Variants in LRCH2 observed in about 807,000 individuals in gnomAD.
LRCH2 encodes the protein leucine rich repeats and calponin homology domain containing 2, also known as leucine-rich repeat and calponin homology domain-containing protein 2.
In LRCH2, 38 loss-of-function variants were observed where a neutral mutation model predicts 68.9. That is an observed-to-expected ratio of 0.55 (90% CI 0.43 to 0.72). The LOEUF (loss-of-function observed/expected upper bound fraction) is 0.72. LRCH2 is among the 30% of genes least tolerant of loss of function. The pLI is 0.00. For missense variants in LRCH2, 528 were observed against 572.9 expected, an observed-to-expected ratio of 0.92 and a Z score of 0.80; for synonymous variants, 191 against 208.1, an observed-to-expected ratio of 0.92 and a Z score of 0.71.
chrX:115,174,013 T>C (rs1276124693), intron 5 of LRCH2, among the ~76,000 whole-genome samples: 1 of 112,407 alleles, frequency 8.9e-6, no homozygotes, highest in African/African-American at 3.2e-5. Context: ...TTGTTATTGA[T>C]AAGGCTTCCA....
Position 115,123,508 on chromosome X carries a change from T to A in LRCH2, c.1850-316A>T, listed in dbSNP as rs782807054. 2.0e-4 allele frequency among the ~76,000 whole-genome samples: 23 copies of A among 112,218 alleles called. 1 individual carries two copies. In the South Asian group the frequency reaches 8.1e-3, roughly 39 times the overall value. ...TTTTATCTTTTAAAAAAGGAAATTA[T>A]TCTTGAAGGTCAATACAGTTATTCA... is the stretch of plus-strand genomic sequence containing the variant. On this transcript the variant is annotated intron_variant, in intron 17 of 20. Coordinates refer to ENST00000317135, the MANE Select transcript of LRCH2 (RefSeq NM_020871.4).
At chrX:115,189,490 C>T in intron 1 of LRCH2, 1 of 1,181,841 alleles carries the variant, frequency 8.5e-7, no homozygotes, top group East Asian at 3.1e-5. Context: ...GGGCCTCAAC[C>T]TCAAAACCGA....
Position 115,191,214 on chromosome X carries a change from C to T in LRCH2, c.350-2844G>A, listed in dbSNP as rs782337296. On this transcript the variant is annotated intron_variant, in intron 1 of 20. Coordinates refer to ENST00000317135, the MANE Select transcript of LRCH2 (RefSeq NM_020871.4). ...ACCGCTACGGAGGAGGAGGCTGCTA[C>T]GAGGAGTACCGAGGCCGCTCCCTCG... The T allele has an allele frequency of 5.8e-5, 66 of 1,146,409 alleles. No homozygotes were observed. In the South Asian group the frequency reaches 6.4e-4, roughly 11 times the overall value. The allele number at this position is 1,146,409 out of a possible 1,213,427, so 94.5% of individuals were successfully genotyped here.
At chrX:115,122,631 C>T (rs782227211) in intron 19 of LRCH2, 27 bp from the exon 20 acceptor site, 42 of 1,188,179 alleles carry the variant, frequency 3.5e-5, no homozygotes, top group Non-Finnish European at 4.7e-5. Context: ...AAAAAATGTA[C>T]TTTTAGGCAT....
chrX:115,131,637 G>A (rs1402197171), intron 14 of LRCH2, among the ~76,000 whole-genome samples: 3 of 111,504 alleles, frequency 2.7e-5, no homozygotes, highest in Non-Finnish European at 3.8e-5. Context: ...GGGATGGCTG[G>A]GTCAAATGGT....
At chrX:115,174,181 C>T (rs150530570) in intron 5 of LRCH2, among the ~76,000 whole-genome samples, 184 of 111,591 alleles carry the variant, frequency 1.6e-3, no homozygotes, top group African/African-American at 5.7e-3. Context: ...AGCTAATTAA[C>T]ATGCCCATCA....
At chrX:115,127,264 T>G (rs1556528438) in intron 15 of LRCH2, among the ~76,000 whole-genome samples, 1 of 112,160 alleles carries the variant, frequency 8.9e-6, no homozygotes, top group Admixed American at 9.5e-5. Flanking sequence ...TCACCCCAAA[T>G]AACTTTCATC....
chrX:115,203,123 G>T (rs946365110), intron 1 of LRCH2, among the ~76,000 whole-genome samples: 5 of 111,820 alleles, frequency 4.5e-5, no homozygotes, highest in Admixed American at 3.8e-4. Flanking sequence ...GGCAAAGGAA[G>T]AGCAAGCACC....
At chrX:115,146,941 AC>A (rs2072389316) in intron 14 of LRCH2, among the ~76,000 whole-genome samples, 2 of 108,585 alleles carry the variant, frequency 1.8e-5, no homozygotes, top group African/African-American at 6.7e-5. Flanking sequence ...ACACACACAC[AC>A]ACACACACAC....
chrX:115,219,419 G>GA (rs10577002), intron 1 of LRCH2, among the ~76,000 whole-genome samples: 6 of 107,363 alleles, frequency 5.6e-5, no homozygotes, highest in African/African-American at 1.7e-4. Context: ...CCACAAACTG[G>GA]AAAAAAAAAA....
rs781940379 is a variant in LRCH2, at chrX:115,166,352, T to C, written c.999-10A>G. On this transcript the variant is annotated splice_polypyrimidine_tract_variant and intron_variant, in intron 6 of 20. Transcript: ENST00000317135. ...ATAAAAATCTTCCATACTATGGAAATAGAAATCCTAAGAGCAGTTAGGATT... is the reference window on the plus strand; with the variant it reads ...ATAAAAATCTTCCATACTATGGAAACAGAAATCCTAAGAGCAGTTAGGATT... 105 of 1,098,498 alleles carry C rather than the reference T, an allele frequency of 9.6e-5. No homozygotes were observed. Among genetic ancestry groups the C allele is most frequent in the Non-Finnish European group, 1.2e-4 (99 of 803,049 alleles). 90.5% of individuals were successfully genotyped at this position (1,098,498 alleles called of 1,213,427 possible). A position where few individuals can be genotyped will look rare whatever the true frequency, so the allele number is the denominator to read the frequency against.
intron 14 of LRCH2, among the ~76,000 whole-genome samples, chrX:115,134,651 C>T (rs2072273049): frequency 9.0e-6 from 1 of 111,609 alleles, no homozygotes; most frequent in Non-Finnish European, 1.9e-5. Context: ...TATGTTAAGC[C>T]CACTATCGAG....
In LRCH2 at chrX:115,152,415, TAAAGGA is replaced by T. The variant is rs782294177; in HGVS notation, c.1530-2351_1530-2346del. Reference sequence around the variant, plus strand: ...TTCAACCAAGCAATGTTCAAGAAGCTAAAGGAAAAGACTGAACATGTTAAGTACAGA... The same window carrying T: ...TTCAACCAAGCAATGTTCAAGAAGCTAAAGACTGAACATGTTAAGTACAGA... On this transcript the variant is annotated intron_variant, in intron 12 of 20. Transcript: ENST00000317135. Among the ~76,000 whole-genome samples, 849 of 111,828 alleles carry T rather than the reference TAAAGGA, an allele frequency of 7.6e-3. 11 individuals carry two copies. The highest frequency in any genetic ancestry group is 0.026 in the African/African-American group (803 of 30,839).
intron 1 of LRCH2, among the ~76,000 whole-genome samples, chrX:115,211,243 T>A (rs1432840060): frequency 1.8e-5 from 2 of 111,570 alleles, no homozygotes; most frequent in Non-Finnish European, 3.8e-5. Context: ...GGGAGGGAAC[T>A]GGTGGGAAAT....
intron 20 of LRCH2, among the ~76,000 whole-genome samples, chrX:115,116,792 T>C (rs890518045): frequency 3.6e-5 from 4 of 111,396 alleles, no homozygotes; most frequent in African/African-American, 1.3e-4. Flanking sequence ...AAATTGATCA[T>C]AGACATGAAC....
Position 115,125,666 on chromosome X carries a change from C to T in LRCH2, c.1791+1177G>A, listed in dbSNP as rs782151860. ...ATATATATATACACGTATATATATA[C>T]GTATATATATATCAATGTAAATTAT... On this transcript the variant is annotated intron_variant, in intron 16 of 20. Transcript: ENST00000317135. Among the ~76,000 whole-genome samples, 94 of 80,619 alleles carry T rather than the reference C, an allele frequency of 1.2e-3. 1 individual carries two copies. The highest frequency in any genetic ancestry group is 4.1e-3 in the African/African-American group (88 of 21,272). The allele number at this position is 80,619 out of a possible 115,157, so 70.0% of individuals were successfully genotyped here. A position where few individuals can be genotyped will look rare whatever the true frequency, so the allele number is the denominator to read the frequency against.
At chrX:115,210,201 G>C (rs782740699) in intron 1 of LRCH2, among the ~76,000 whole-genome samples, 1 of 111,795 alleles carries the variant, frequency 8.9e-6, no homozygotes, top group Non-Finnish European at 1.9e-5. Flanking sequence ...GCATGTCAGA[G>C]GTCTTCACAG....
chrX:115,212,099 G>A (rs1458316320), intron 1 of LRCH2, among the ~76,000 whole-genome samples: 1 of 112,213 alleles, frequency 8.9e-6, no homozygotes, highest in African/African-American at 3.2e-5. Context: ...TGCCCTACTT[G>A]TAAGCCAGTA....
In LRCH2 at chrX:115,192,256, C is replaced by T. The variant is rs1010569231; in HGVS notation, c.350-3886G>A. On this transcript the variant is annotated intron_variant, in intron 1 of 20. Transcript: ENST00000317135. The stretch of plus-strand genomic sequence containing the variant: ...CAACAGTTCCAACAACAGTCATGGC[C>T]GGAGCCACCGCTACGGAGGAGGAGG... 1.5e-5 allele frequency: 18 copies of T among 1,164,785 alleles called. No homozygotes were observed. The highest frequency in any genetic ancestry group is 1.9e-5 in the Non-Finnish European group (17 of 872,273).
Sources: allele counts gnomAD v4.1 joint callset (sites outside exome capture counted in the v4.1 genomes callset), GRCh38; gene constraint gnomAD v4.1.1; transcripts MANE v1.5; gene names NCBI Gene and HGNC (gene_info 2026-07-23, HGNC 2026-07-21).